GNB4: variants seen among roughly 807,000 people sequenced by gnomAD.
The protein encoded by GNB4 is G protein subunit beta 4.
GNB4 carries 28 observed loss-of-function variants against 45.2 expected under a neutral mutation model. The observed-to-expected ratio is 0.62, with a 90% CI of 0.46 to 0.85. The LOEUF (loss-of-function observed/expected upper bound fraction) is 0.85. GNB4 is among the 40% of genes least tolerant of loss of function. GNB4 has a pLI of 0.00. For missense variants in GNB4, 321 were observed against 425.4 expected, an observed-to-expected ratio of 0.75 and a Z score of 2.16; for synonymous variants, 132 against 143.7, an observed-to-expected ratio of 0.92 and a Z score of 0.58.
At chr3:179,419,928 T>C (rs1714926559) in intron 3 of GNB4, among the ~76,000 whole-genome samples, 1 of 151,982 alleles carries the variant, frequency 6.6e-6, no homozygotes, top group African/African-American at 2.4e-5. Context: ...ATGATCAATA[T>C]TAATTAAACA....
At chr3:179,520,399 G>A in the GNB4 span, among the ~76,000 whole-genome samples, 5 of 152,056 alleles carry the variant, frequency 3.3e-5, no homozygotes, top group Non-Finnish European at 7.4e-5. Flanking sequence ...CCTAGGCATG[G>A]TTAGTGCAGT....
At chr3:179,457,476 A>ACT in the GNB4 span, among the ~76,000 whole-genome samples, 6 of 151,646 alleles carry the variant, frequency 4.0e-5, no homozygotes, top group African/African-American at 1.5e-4. Flanking sequence ...TTTATGCCAA[A>ACT]CTCTCTCTCT....
At chr3:179,485,994 G>A in the GNB4 span, among the ~76,000 whole-genome samples, 3 of 151,982 alleles carry the variant, frequency 2.0e-5, no homozygotes, top group Admixed American at 2.0e-4. Context: ...GGAGGCCGAG[G>A]CAGGTGAATC....
At chr3:179,468,979 C>G in the GNB4 span, among the ~76,000 whole-genome samples, 3 of 152,158 alleles carry the variant, frequency 2.0e-5, no homozygotes, top group Non-Finnish European at 4.4e-5. Flanking sequence ...TTCCACAGCA[C>G]CTTATCTTAA....
At chr3:179,459,835 TTC>T in the GNB4 span, among the ~76,000 whole-genome samples, 3 of 152,220 alleles carry the variant, frequency 2.0e-5, no homozygotes, top group African/African-American at 7.2e-5. Flanking sequence ...CCTCAGAAGT[TTC>T]TCTGTCTCAC....
chr3:179,505,831 G>A, the GNB4 span, among the ~76,000 whole-genome samples: 4 of 152,096 alleles, frequency 2.6e-5, no homozygotes, highest in South Asian at 2.1e-4. Flanking sequence ...TTCAAACTAC[G>A]TCCCAAAGTG....
chr3:179,401,184 T>C lies in GNB4; in HGVS notation c.*29A>G, dbSNP rs753262830. The C allele has an allele frequency of 1.6e-5, 24 of 1,488,814 alleles. No homozygotes were observed. The South Asian group carries it at 2.6e-4, about 16-fold the overall frequency. 92.2% of individuals were successfully genotyped at this position (1,488,814 alleles called of 1,614,324 possible). On this transcript the variant is annotated 3_prime_UTR_variant, in exon 10 of 10. Coordinates refer to ENST00000232564, the MANE Select transcript of GNB4 (RefSeq NM_021629.4). ...TGTAGCATTGATTTCTCCAGATATA[T>C]CAATGGAGAACAAATATGTATGACA...
chr3:179,441,827 C>T (rs562605339), intron 1 of GNB4, among the ~76,000 whole-genome samples: 6 of 151,684 alleles, frequency 4.0e-5, no homozygotes, highest in South Asian at 2.1e-4. Context: ...TTTTTTGAGA[C>T]GGAGTTTCAC....
intron 1 of GNB4, among the ~76,000 whole-genome samples, chr3:179,427,908 T>C (rs1203061910): frequency 2.0e-5 from 3 of 152,266 alleles, no homozygotes; most frequent in Non-Finnish European, 4.4e-5. Flanking sequence ...TTCTACAGAA[T>C]GACTTTTTCT....
At chr3:179,505,720 A>G in the GNB4 span, among the ~76,000 whole-genome samples, 1 of 152,160 alleles carries the variant, frequency 6.6e-6, no homozygotes, top group Non-Finnish European at 1.5e-5. Flanking sequence ...GGAGTGCTGG[A>G]CGACACGTTC....
At chr3:179,419,316 A>G (rs1714906014) in intron 4 of GNB4, 83 bp downstream of exon 4, 1 of 905,558 alleles carries the variant, frequency 1.1e-6, no homozygotes, top group Admixed American at 1.9e-5. Context: ...TTCTGTTTTT[A>G]AACAAAGAAA....
At chr3:179,455,485 T>C (rs1274667932), upstream of GNB4, among the ~76,000 whole-genome samples, 2 of 152,204 alleles carry the variant, frequency 1.3e-5, no homozygotes, top group East Asian at 3.9e-4. Flanking sequence ...TCTAATACGA[T>C]TGACAAATAG....
At chr3:179,495,636 A>T in the GNB4 span, among the ~76,000 whole-genome samples, 1 of 150,190 alleles carries the variant, frequency 6.7e-6, no homozygotes, top group South Asian at 2.2e-4. Flanking sequence ...GGAGGCAGGG[A>T]GGCAGGGAGG....
chr3:179,452,127 A>G (rs150576564), upstream of GNB4, among the ~76,000 whole-genome samples: 1 of 152,106 alleles, frequency 6.6e-6, no homozygotes, highest in Non-Finnish European at 1.5e-5. Flanking sequence ...TATTGTTCCT[A>G]TTGTCATTGA....
the GNB4 span, among the ~76,000 whole-genome samples, chr3:179,527,093 G>A: frequency 6.6e-6 from 1 of 152,190 alleles, no homozygotes; most frequent in African/African-American, 2.4e-5. Flanking sequence ...CAGCTGGAGA[G>A]AGTGTTTATA....
At chr3:179,488,006 A>G in the GNB4 span, among the ~76,000 whole-genome samples, 2 of 151,696 alleles carry the variant, frequency 1.3e-5, no homozygotes, top group Admixed American at 1.3e-4. Flanking sequence ...AGCAGAGATC[A>G]CACCACTGTG....
intron 1 of GNB4, among the ~76,000 whole-genome samples, chr3:179,444,713 A>G (rs1385065322): frequency 6.6e-6 from 1 of 152,158 alleles, no homozygotes; most frequent in African/African-American, 2.4e-5. Context: ...CTCTGTCTCA[A>G]AAAGTATATA....
chr3:179,430,064 T>TGAGA (rs201245486), intron 1 of GNB4, among the ~76,000 whole-genome samples: 15 of 104,376 alleles, frequency 1.4e-4, no homozygotes, highest in South Asian at 8.6e-4. Flanking sequence ...TGTGTGTGAC[T>TGAGA]GAGAGAGAGA....
chr3:179,469,212 T>G, the GNB4 span, among the ~76,000 whole-genome samples: 2 of 152,162 alleles, frequency 1.3e-5, no homozygotes, highest in Admixed American at 6.6e-5. Flanking sequence ...CTGGCCACCT[T>G]GGGAAGATGT....
Sources: gnomAD v4.1 joint callset for allele counts (sites outside exome capture counted in the v4.1 genomes callset) on GRCh38, gnomAD v4.1.1 for gene constraint, MANE v1.5 for transcripts, NCBI Gene and HGNC (gene_info 2026-07-23, HGNC 2026-07-21) for gene names.